RMDN2: variants seen among roughly 807,000 people sequenced by gnomAD.
The protein encoded by RMDN2 is regulator of microtubule dynamics protein 2.
A neutral mutation model predicts 52.8 loss-of-function variants in RMDN2; 61 were observed. The ratio of observed to expected loss-of-function variants is 1.16; its 90% CI spans 0.94 to 1.43. The LOEUF (loss-of-function observed/expected upper bound fraction) is 1.43. Ranked by LOEUF, RMDN2 falls within the 40% of genes most tolerant of loss-of-function variation. The probability of loss-of-function intolerance (pLI) is 0.00; values close to 1 mark genes in which losing one functional copy is unlikely to be tolerated. For synonymous variants in RMDN2, 180 were observed against 153.1 expected (o/e 1.18, Z -1.30); for missense variants, 592 against 475.3 (o/e 1.25, Z -2.28).
chr2:37,985,540 G>A (rs1033044277), intron 5 of RMDN2, among the ~76,000 whole-genome samples: 4 of 152,156 alleles, frequency 2.6e-5, no homozygotes, highest in African/African-American at 9.7e-5. Context: ...TGACTAAACG[G>A]TTTGAGGCTC....
At chr2:37,943,826 G>C (rs1423388451) in intron 2 of RMDN2, among the ~76,000 whole-genome samples, 1 of 151,940 alleles carries the variant, frequency 6.6e-6, no homozygotes, top group Non-Finnish European at 1.5e-5. Context: ...GTTAATTGAG[G>C]CTTTTTTTTC....
intron 10 of RMDN2, among the ~76,000 whole-genome samples, chr2:38,023,882 TAACA>T (rs1245782992): frequency 6.6e-6 from 1 of 152,238 alleles, no homozygotes; most frequent in Admixed American, 6.5e-5. Flanking sequence ...ACAGTTAAGG[TAACA>T]AACATTTTCA....
chr2:38,009,352 A>C (rs1301220864), intron 10 of RMDN2, among the ~76,000 whole-genome samples: 1 of 152,204 alleles, frequency 6.6e-6, no homozygotes, highest in African/African-American at 2.4e-5. Context: ...TACACCAATC[A>C]GACGTAGATT....
intron 1 of RMDN2, among the ~76,000 whole-genome samples, chr2:37,928,477 T>C (rs1666462737): frequency 6.6e-6 from 1 of 152,320 alleles, no homozygotes; most frequent in African/African-American, 2.4e-5. Context: ...ATTCAGAATT[T>C]TCATCTTACT....
chr2:37,923,723 A>C (rs1666096549), upstream of RMDN2, among the ~76,000 whole-genome samples: 1 of 152,220 alleles, frequency 6.6e-6, no homozygotes, highest in Non-Finnish European at 1.5e-5. Flanking sequence ...TTAAAGATTA[A>C]TCTGCTCTTT....
At chr2:38,002,176 A>G (rs568724373) in intron 8 of RMDN2, among the ~76,000 whole-genome samples, 10 of 152,300 alleles carry the variant, frequency 6.6e-5, no homozygotes, top group African/African-American at 2.4e-4. Flanking sequence ...ACCACTTCTT[A>G]GCACCCTGAT....
intron 2 of RMDN2, among the ~76,000 whole-genome samples, chr2:37,970,247 T>G (rs1202053174): frequency 6.6e-6 from 1 of 152,170 alleles, no homozygotes; most frequent in African/African-American, 2.4e-5. Context: ...GCTTTGGTAT[T>G]TCTTTTGTCC....
intron 10 of RMDN2, among the ~76,000 whole-genome samples, chr2:38,027,741 T>C (rs1679885319): frequency 6.6e-6 from 1 of 152,244 alleles, no homozygotes; most frequent in African/African-American, 2.4e-5. Context: ...GAATACTTTA[T>C]ATTTATACAA....
Position 38,026,356 on chromosome 2 carries a change from A to G in RMDN2, c.1713+22140A>G, listed in dbSNP as rs902683056. ...GTGTTTTCCCTATTTCCTGTTTTCT[A>G]TATTTGCTGTTACCCTACAGGTAAC... On this transcript the variant is annotated intron_variant, in intron 10 of 10. Coordinates refer to the RMDN2 transcript ENST00000234195. 2.0e-5 allele frequency among the ~76,000 whole-genome samples: 3 copies of G among 151,906 alleles called. No homozygotes were observed. In the East Asian group the frequency reaches 5.8e-4, roughly 29 times the overall value.
chr2:37,927,480 G>C (rs1666386559), intron 1 of RMDN2, among the ~76,000 whole-genome samples: 1 of 152,284 alleles, frequency 6.6e-6, no homozygotes, highest in East Asian at 1.9e-4. Flanking sequence ...CTGAAACCTG[G>C]TCCTGTCTCA....
At chr2:38,032,765 G>A (rs972392769) in intron 10 of RMDN2, 2 of 152,410 alleles carry the variant, frequency 1.3e-5, no homozygotes, top group African/African-American at 2.4e-5. Flanking sequence ...CTTGAACCTG[G>A]GAGGTGGAGG....
intron 4 of RMDN2, among the ~76,000 whole-genome samples, chr2:37,980,056 A>C (rs965359527): frequency 1.3e-5 from 2 of 152,190 alleles, no homozygotes; most frequent in Non-Finnish European, 2.9e-5. Context: ...ACAAATTAAC[A>C]AATAGAACCG....
At chr2:37,999,067 A>G (rs1440433639) in intron 8 of RMDN2, among the ~76,000 whole-genome samples, 1 of 152,230 alleles carries the variant, frequency 6.6e-6, no homozygotes, top group Admixed American at 6.5e-5. Flanking sequence ...TCATAATATC[A>G]AAGTTATAAT....
At chr2:38,032,160 CA>C (rs1398780056) in intron 10 of RMDN2, among the ~76,000 whole-genome samples, 1 of 152,088 alleles carries the variant, frequency 6.6e-6, no homozygotes, top group Admixed American at 6.6e-5. Flanking sequence ...TGGGTTTTGA[CA>C]AATTTTAACA....
chr2:38,057,337 A>G (rs1267116742), intron 10 of RMDN2, among the ~76,000 whole-genome samples: 1 of 152,248 alleles, frequency 6.6e-6, no homozygotes, highest in Admixed American at 6.5e-5. Flanking sequence ...CTGTGCTCCA[A>G]CATAACTTTA....
chr2:38,035,118 C>T (rs114877876), intron 10 of RMDN2, among the ~76,000 whole-genome samples: 3,106 of 152,164 alleles, frequency 0.02, 48 homozygotes, highest in Non-Finnish European at 0.032. Flanking sequence ...AACTACAAAA[C>T]ATTCTTCAAC....
chr2:38,003,981 C>T lies in RMDN2; in HGVS notation c.1045-10C>T. The T allele has an allele frequency of 6.2e-7, 1 of 1,606,840 alleles. No homozygotes were observed. Among genetic ancestry groups the T allele is most frequent in the South Asian group, 1.1e-5 (1 of 90,932 alleles). On this transcript the variant is annotated splice_polypyrimidine_tract_variant and intron_variant, in intron 8 of 10. Transcript: ENST00000354545. ...CCCTGTTATTCTCTCATGTTTTTCT[C>T]TCAAATCAGGCTGAAGAACTATGCC...
intron 2 of RMDN2, among the ~76,000 whole-genome samples, chr2:37,964,389 C>G (rs1320626251): frequency 6.6e-6 from 1 of 152,178 alleles, no homozygotes; most frequent in Non-Finnish European, 1.5e-5. Flanking sequence ...TTTTCATTTT[C>G]ATTTGACTCA....
At chr2:37,953,980 C>T (rs956005636) in intron 2 of RMDN2, among the ~76,000 whole-genome samples, 1 of 152,026 alleles carries the variant, frequency 6.6e-6, no homozygotes, top group East Asian at 1.9e-4. Flanking sequence ...GTGACTGCTG[C>T]CCATTTGTAT....
Sources: gnomAD v4.1 joint callset for allele counts (sites outside exome capture counted in the v4.1 genomes callset) on GRCh38, gnomAD v4.1.1 for gene constraint, MANE v1.5 for transcripts, NCBI Gene and HGNC (gene_info 2026-07-23, HGNC 2026-07-21) for gene names.